The following ILDR1 variants were observed in gnomAD, a reference collection of about 807,000 sequenced individuals.
The protein encoded by ILDR1 is immunoglobulin-like domain-containing receptor 1.
Under a neutral mutation model 62.4 loss-of-function variants are expected in ILDR1, and 56 were observed. The observed-to-expected ratio is 0.90, with a 90% CI of 0.72 to 1.12. ILDR1 has a LOEUF of 1.12. ILDR1 is among the 50% of genes most tolerant of loss of function. The pLI is 0.00. For synonymous variants in ILDR1, 284 were observed against 277.8 expected (o/e 1.02, Z -0.22); for missense variants, 736 against 710.6 (o/e 1.04, Z -0.41).
intron 5 of ILDR1, among the ~76,000 whole-genome samples, chr3:121,995,273 G>A (rs560940459): frequency 1.3e-5 from 2 of 152,324 alleles, no homozygotes; most frequent in Admixed American, 1.3e-4. Flanking sequence ...GTTAAGTGCA[G>A]GAAGTGCCAG....
At chr3:122,032,852 A>G in the ILDR1 span, among the ~76,000 whole-genome samples, 1 of 152,226 alleles carries the variant, frequency 6.6e-6, no homozygotes. Flanking sequence ...TTAAAAAGGA[A>G]TGTTCCAGCT....
chr3:122,009,577 G>C (rs761904820), intron 1 of ILDR1, among the ~76,000 whole-genome samples: 4 of 152,210 alleles, frequency 2.6e-5, no homozygotes, highest in Non-Finnish European at 5.9e-5. Context: ...ATTAGTGTCA[G>C]TATGTGAGTC....
At chr3:122,007,919 C>T (rs775576782) in intron 1 of ILDR1, among the ~76,000 whole-genome samples, 81 of 152,228 alleles carry the variant, frequency 5.3e-4, no homozygotes, top group Middle Eastern at 3.4e-3. Flanking sequence ...TTCCTAAGTG[C>T]GCCAACCTAC....
chr3:122,001,319 C>CA lies in ILDR1; in HGVS notation c.634dup (p.Cys212LeufsTer3). ...CTGTCCCCTCTCACCTTCCTCAGGA[C>CA]AGCAGCAGTGGGCAGGACAGCAGGG... On this transcript the variant is annotated frameshift_variant, in exon 5 of 8. Transcript: ENST00000344209. LOFTEE classifies it high-confidence loss of function. 1 of 1,614,184 alleles carries CA rather than the reference C, an allele frequency of 6.2e-7. No homozygotes were observed. The highest frequency in any genetic ancestry group is 1.3e-5 in the African/African-American group (1 of 75,044).
chr3:122,022,450 C>T (rs1000539878), upstream of ILDR1, among the ~76,000 whole-genome samples: 29 of 152,228 alleles, frequency 1.9e-4, no homozygotes, highest in Non-Finnish European at 3.4e-4. Context: ...AATCTCATCC[C>T]CTGCAAATGT....
At chr3:122,020,774 G>A (rs1473431082) in intron 1 of ILDR1, among the ~76,000 whole-genome samples, 2 of 152,184 alleles carry the variant, frequency 1.3e-5, no homozygotes, top group African/African-American at 2.4e-5. Flanking sequence ...GTGAGGTTTA[G>A]TTATTTCCCT....
chr3:122,047,062 G>A, the ILDR1 span, among the ~76,000 whole-genome samples: 2 of 145,174 alleles, frequency 1.4e-5, no homozygotes, highest in Admixed American at 1.4e-4. Flanking sequence ...ATCTACTTTT[G>A]GTCTTTGATG....
In ILDR1 at chr3:121,993,913, G is replaced by A; in HGVS notation, c.836C>T (p.Pro279Leu). Residue 279 changes from proline to leucine, a missense_variant, in exon 7 of 8, where the codon CCT becomes CTT. By Grantham distance (98) the Pro-to-Leu change is moderately conservative. Transcript: ENST00000344209. Reference protein sequence around the residue: ...QMPMTQTTNQPPIANGVLEYL... With the variant: ...QMPMTQTTNQLPIANGVLEYL... ...CTCCAGGACACCATTGGCGATGGGA[G>A]GCTGATTGGTGGTCTGGGTCATTGG... 2 of 1,613,712 alleles carry A rather than the reference G, an allele frequency of 1.2e-6. No homozygotes were observed. Among genetic ancestry groups the A allele is most frequent in the Non-Finnish European group, 1.7e-6 (2 of 1,180,034 alleles).
At chr3:122,018,828 T>A (rs986016045) in intron 1 of ILDR1, among the ~76,000 whole-genome samples, 1 of 152,098 alleles carries the variant, frequency 6.6e-6, no homozygotes. Flanking sequence ...CAGTCTCCCA[T>A]CCATCACCCA....
chr3:122,028,796 A>G, the ILDR1 span, among the ~76,000 whole-genome samples: 1 of 152,242 alleles, frequency 6.6e-6, no homozygotes. Context: ...CAAACATGTG[A>G]GAAGTGTAAA....
chr3:122,049,482 C>T, the ILDR1 span, among the ~76,000 whole-genome samples: 1 of 152,100 alleles, frequency 6.6e-6, no homozygotes, highest in African/African-American at 2.4e-5. Context: ...TATTAAAATC[C>T]TCTATTATTA....
chr3:122,037,076 G>T, the ILDR1 span, among the ~76,000 whole-genome samples: 1 of 152,260 alleles, frequency 6.6e-6, no homozygotes. Flanking sequence ...GTATGGAAAT[G>T]CCTGGATGTT....
Position 122,005,287 on chromosome 3 carries a change from C to T in ILDR1, c.336G>A (p.Val112=), listed in dbSNP as rs759569681. Residue 112 remains valine (V), a synonymous_variant, in exon 3 of 8, where the codon GTG becomes GTA. Transcript: ENST00000344209. ...VAQRRGQNEP[V]LGVDYRQRKI... The stretch of plus-strand genomic sequence containing the variant: ...TGCGCTGCCGGTAATCTACCCCCAG[C>T]ACGGGCTCATTCTGCCCCCGCCGCT... The T allele has an allele frequency of 8.7e-6, 14 of 1,613,660 alleles. No individual in the cohort carries two copies. In the Admixed American group the frequency reaches 2.3e-4, roughly 27 times the overall value.
At chr3:121,991,239 G>A (rs11718322) in intron 7 of ILDR1, among the ~76,000 whole-genome samples, 60,145 of 151,990 alleles carry the variant, frequency 0.4, 12,604 homozygotes, top group East Asian at 0.69. Context: ...GGCTTAAAGG[G>A]CTTATCCAGT....
At chr3:122,009,687 C>G (rs2071674652) in intron 1 of ILDR1, among the ~76,000 whole-genome samples, 1 of 152,168 alleles carries the variant, frequency 6.6e-6, no homozygotes, top group East Asian at 1.9e-4. Flanking sequence ...TTCATTTTGA[C>G]CAAGGTACTC....
rs375671534 is a variant in ILDR1 at position 122,022,126 on chromosome 3, G to A, written c.-49C>T. ...CAGCTCAGGGGCTTCGGGGCACTGCGTCTTTCTTCCTCAGCTGCCGCCCCA... is the reference window on the plus strand; with the variant it reads ...CAGCTCAGGGGCTTCGGGGCACTGCATCTTTCTTCCTCAGCTGCCGCCCCA... On this transcript the variant is annotated 5_prime_UTR_variant, in exon 1 of 8. In the 5' UTR this introduces an upstream ATG that the reference lacks. Coordinates refer to ENST00000344209, the MANE Select transcript of ILDR1 (RefSeq NM_001199799.2). 24 of 1,513,104 alleles carry A rather than the reference G, an allele frequency of 1.6e-5. No individual in the cohort carries two copies. In the Admixed American group the frequency reaches 2.3e-4, roughly 14 times the overall value. The allele number at this position is 1,513,104 out of a possible 1,614,324, so 93.7% of individuals were successfully genotyped here.
At chr3:122,021,615 C>A (rs941163879) in intron 1 of ILDR1, among the ~76,000 whole-genome samples, 1 of 152,222 alleles carries the variant, frequency 6.6e-6, no homozygotes, top group Admixed American at 6.5e-5. Flanking sequence ...ACATTATAAC[C>A]TCCCAGAAAT....
the ILDR1 span, among the ~76,000 whole-genome samples, chr3:122,047,745 T>G: frequency 8.5e-5 from 13 of 152,354 alleles, no homozygotes; most frequent in African/African-American, 2.4e-4. Context: ...ACTTCCCAAG[T>G]GAGGCAATGC....
At chr3:122,000,438 G>A (rs894723905) in intron 5 of ILDR1, among the ~76,000 whole-genome samples, 1 of 152,182 alleles carries the variant, frequency 6.6e-6, no homozygotes, top group African/African-American at 2.4e-5. Context: ...TGAAGACGGA[G>A]GTCCTGGGAG....
Sources: allele counts gnomAD v4.1 joint callset (sites outside exome capture counted in the v4.1 genomes callset), GRCh38; gene constraint gnomAD v4.1.1; transcripts MANE v1.5; gene names NCBI Gene and HGNC (gene_info 2026-07-23, HGNC 2026-07-21).